CTNNA2: variants seen among roughly 807,000 people sequenced by gnomAD.
The protein encoded by CTNNA2 is catenin alpha-2.
A neutral mutation model predicts 101.0 loss-of-function variants in CTNNA2; 42 were observed. The ratio of observed to expected loss-of-function variants is 0.42; its 90% CI spans 0.32 to 0.54. The LOEUF (loss-of-function observed/expected upper bound fraction) is 0.54. Among genes scored for constraint, CTNNA2 ranks in the 20% least tolerant of loss-of-function variants. The pLI, the probability that CTNNA2 is intolerant of heterozygous loss-of-function variation, is 0.14. For missense variants in CTNNA2, 871 were observed against 1,223.1 expected, an observed-to-expected ratio of 0.71 and a Z score of 4.29; for synonymous variants, 450 against 456.4, an observed-to-expected ratio of 0.99 and a Z score of 0.18.
At chr2:80,073,342 C>A (rs1349659638) in intron 7 of CTNNA2, among the ~76,000 whole-genome samples, 1 of 152,032 alleles carries the variant, frequency 6.6e-6, no homozygotes, top group Non-Finnish European at 1.5e-5. Flanking sequence ...GCGCAGAGGT[C>A]CCAGTTCAGA....
intron 3 of CTNNA2, among the ~76,000 whole-genome samples, chr2:79,814,737 A>G (rs1677344304): frequency 6.6e-6 from 1 of 152,076 alleles, no homozygotes; most frequent in African/African-American, 2.4e-5. Flanking sequence ...TGCTATAAAC[A>G]TGCATGTGCG....
intron 4 of CTNNA2, among the ~76,000 whole-genome samples, chr2:79,465,785 TTTG>T (rs1389263128): frequency 3.8e-5 from 3 of 77,972 alleles, no homozygotes; most frequent in South Asian, 8.4e-4. Context: ...TCTCTGTTTG[TTTG>T]TTATTTGGTA....
intron 2 of CTNNA2, among the ~76,000 whole-genome samples, chr2:79,259,622 T>TTA: frequency 6.6e-6 from 1 of 152,170 alleles, no homozygotes; most frequent in East Asian, 1.9e-4. Context: ...AAGTTTGAGT[T>TTA]GGGGGCCCAG....
At chr2:79,850,725 T>A (rs950804866) in intron 3 of CTNNA2, among the ~76,000 whole-genome samples, 7 of 152,192 alleles carry the variant, frequency 4.6e-5, no homozygotes, top group Admixed American at 3.3e-4. Context: ...TGTGTTCAGT[T>A]TCCTCAGATA....
At chr2:80,136,763 A>C (rs1702719696) in intron 7 of CTNNA2, among the ~76,000 whole-genome samples, 2 of 152,094 alleles carry the variant, frequency 1.3e-5, no homozygotes. Flanking sequence ...TAAATTGTAC[A>C]TTGGCCACAT....
chr2:79,571,877 C>A (rs1473574404), intron 1 of CTNNA2, among the ~76,000 whole-genome samples: 1 of 152,072 alleles, frequency 6.6e-6, no homozygotes. Context: ...ACTATGACCA[C>A]CTTCTTATTT....
intron 7 of CTNNA2, among the ~76,000 whole-genome samples, chr2:80,072,753 C>G (rs1198851997): frequency 6.6e-6 from 1 of 151,860 alleles, no homozygotes; most frequent in Non-Finnish European, 1.5e-5. Flanking sequence ...AGCAGAGCAG[C>G]GATGGTGAAG....
intron 8 of CTNNA2, among the ~76,000 whole-genome samples, chr2:80,415,430 G>A (rs966651204): frequency 6.6e-6 from 1 of 151,462 alleles, no homozygotes; most frequent in Non-Finnish European, 1.5e-5. Flanking sequence ...TTCTTTTTTT[G>A]TAGTGTAAAA....
At chr2:79,554,252 A>T (rs1432755930) in intron 1 of CTNNA2, among the ~76,000 whole-genome samples, 3 of 152,056 alleles carry the variant, frequency 2.0e-5, no homozygotes, top group Non-Finnish European at 4.4e-5. Flanking sequence ...GACTCAGAAT[A>T]CATGTTGGAA....
intron 7 of CTNNA2, among the ~76,000 whole-genome samples, chr2:80,195,833 A>C (rs767206877): frequency 5.3e-5 from 8 of 151,986 alleles, no homozygotes; most frequent in African/African-American, 1.4e-4. Context: ...GTAATCCCAG[A>C]ATTTTGGGAG....
intron 1 of CTNNA2, among the ~76,000 whole-genome samples, chr2:79,573,502 A>G (rs1433951681): frequency 1.3e-5 from 2 of 152,230 alleles, no homozygotes; most frequent in Non-Finnish European, 2.9e-5. Context: ...AAACAGATGA[A>G]CACCTGAAAT....
rs796187229 is a variant in CTNNA2 at position 80,043,105 on chromosome 2, CTCTCTCTT to C, written c.1056+133312_1056+133319del. Among the ~76,000 whole-genome samples the C allele has an allele frequency of 8.3e-3, 539 of 65,212 alleles. 7 individuals are homozygous for C. Among genetic ancestry groups the C allele is most frequent in the Non-Finnish European group, 0.012 (344 of 28,860 alleles). The allele number at this position is 65,212 out of a possible 152,430, so 42.8% of individuals were successfully genotyped here. ...TTTCTTTCTTTCTTTCTCTCTCTCT[CTCTCTCTT>C]TCTTTCTCCTTCCTTCCTTCCTTCC... On this transcript the variant is annotated intron_variant, in intron 7 of 18. Coordinates refer to ENST00000402739, the MANE Select transcript of CTNNA2 (RefSeq NM_001282597.3).
intron 4 of CTNNA2, among the ~76,000 whole-genome samples, chr2:79,383,173 G>A (rs1215462516): frequency 1.3e-5 from 2 of 152,206 alleles, no homozygotes; most frequent in Non-Finnish European, 2.9e-5. Flanking sequence ...AGTCAAAACA[G>A]TAGAAGATAA....
At chr2:80,044,570 G>A (rs1696390796) in intron 7 of CTNNA2, among the ~76,000 whole-genome samples, 1 of 151,934 alleles carries the variant, frequency 6.6e-6, no homozygotes, top group African/African-American at 2.4e-5. Context: ...GCAAGCTCTG[G>A]GTCTTTCTCT....
At chr2:80,408,738 G>C (rs1273958413) in intron 8 of CTNNA2, among the ~76,000 whole-genome samples, 1 of 152,186 alleles carries the variant, frequency 6.6e-6, no homozygotes, top group Non-Finnish European at 1.5e-5. Flanking sequence ...CTAGGGGTGG[G>C]AGTGAAGAAT....
At chr2:79,589,569 A>T (rs1329652674) in intron 1 of CTNNA2, among the ~76,000 whole-genome samples, 1 of 152,176 alleles carries the variant, frequency 6.6e-6, no homozygotes, top group East Asian at 1.9e-4. Context: ...AGAGTTAGCT[A>T]AAAACATGAG....
In CTNNA2 at chr2:79,567,586, C is replaced by A. The variant is rs372927116; in HGVS notation, c.-6+54379C>A. Among the ~76,000 whole-genome samples, 43 of 152,116 alleles carry A rather than the reference C, an allele frequency of 2.8e-4. 1 individual carries two copies. In the East Asian group the frequency reaches 6.2e-3, roughly 22 times the overall value. On this transcript the variant is annotated intron_variant, in intron 1 of 18. Transcript: ENST00000402739. The stretch of plus-strand genomic sequence containing the variant: ...GTTGTTGTTCTTGTATAGCCTTCAC[C>A]TCTCATCCCAGTCAAAATGAGTTTC...
intron 7 of CTNNA2, among the ~76,000 whole-genome samples, chr2:80,199,904 C>T (rs1164736033): frequency 6.6e-6 from 1 of 152,200 alleles, no homozygotes; most frequent in African/African-American, 2.4e-5. Context: ...CTGCCTATGT[C>T]CTGTTCTCTC....
At chr2:80,007,574 AC>A (rs981881300) in intron 7 of CTNNA2, among the ~76,000 whole-genome samples, 2 of 151,800 alleles carry the variant, frequency 1.3e-5, no homozygotes, top group African/African-American at 4.8e-5. Flanking sequence ...AGGAAACAAG[AC>A]CCCTTTCCCT....
Sources: gnomAD v4.1 joint callset for allele counts (sites outside exome capture counted in the v4.1 genomes callset) on GRCh38, gnomAD v4.1.1 for gene constraint, MANE v1.5 for transcripts, NCBI Gene and HGNC (gene_info 2026-07-23, HGNC 2026-07-21) for gene names.